Variants in ITGA7 observed in about 807,000 individuals in gnomAD.
The protein encoded by ITGA7 is integrin alpha-7.
In ITGA7, 84 loss-of-function variants were observed where a neutral mutation model predicts 131.6. The observed-to-expected ratio is 0.64, with a 90% CI of 0.54 to 0.77. The LOEUF (loss-of-function observed/expected upper bound fraction) is 0.77, where lower values mean the gene tolerates loss of function less well. Among genes scored for constraint, ITGA7 ranks in the 30% least tolerant of loss-of-function variants. The pLI, the probability that ITGA7 is intolerant of heterozygous loss-of-function variation, is 0.00. For missense variants in ITGA7, 1,399 were observed against 1,482.9 expected, an observed-to-expected ratio of 0.94 and a Z score of 0.93; for synonymous variants, 548 against 600.7, an observed-to-expected ratio of 0.91 and a Z score of 1.28.
At chr12:55,687,875 T>C in intron 24 of ITGA7, 96 bp downstream of exon 24, 7 of 1,525,064 alleles carry the variant, frequency 4.6e-6, no homozygotes, top group Non-Finnish European at 6.4e-6. Context: ...ATTTGCTGAA[T>C]ACATGAGTGT....
chr12:55,689,641 T>A (rs1871000071), intron 21 of ITGA7, among the ~76,000 whole-genome samples: 1 of 152,224 alleles, frequency 6.6e-6, no homozygotes, highest in Admixed American at 6.5e-5. Flanking sequence ...TTTAAGAGTG[T>A]CTGAATTATT....
chr12:55,688,295 G>A lies in ITGA7; in HGVS notation c.2964C>T (p.Tyr988=). The A allele has an allele frequency of 6.2e-7, 1 of 1,612,352 alleles. No homozygotes were observed. Among genetic ancestry groups the A allele is most frequent in the Non-Finnish European group, 8.5e-7 (1 of 1,178,460 alleles). Residue 988 remains tyrosine (Y), a synonymous_variant, in exon 23 of 25, where the codon TAC becomes TAT. Transcript: ENST00000257879. ...TCACTTCCAGGGACTTCACAGCTGA[G>A]TACTCCTAAGGGAACAGGGAAGGAG... ...RLWNSTFLEE[Y]SAVKSLEVIV... is the part of the protein sequence containing the mutation.
chr12:55,694,587 A>G lies in ITGA7; in HGVS notation c.2277+28T>C, dbSNP rs1306903015. On this transcript the variant is annotated intron_variant, in intron 16 of 24. Coordinates refer to ENST00000257879, the MANE Select transcript of ITGA7 (RefSeq NM_002206.3). The surrounding 1 kb of genome is among the most constrained non-coding windows in gnomAD (Gnocchi z 5.3). ...CTACGGGCTTATGGAGAGGCTACTCACGTAGGGATAAGGGCAGATGTGCCA... is the reference window on the plus strand; with the variant it reads ...CTACGGGCTTATGGAGAGGCTACTCGCGTAGGGATAAGGGCAGATGTGCCA... 2 of 1,613,088 alleles carry G rather than the reference A, an allele frequency of 1.2e-6. No homozygotes were observed. Among genetic ancestry groups the G allele is most frequent in the East Asian group, 4.5e-5 (2 of 44,872 alleles).
chr12:55,701,111 A>G lies in ITGA7; in HGVS notation c.458T>C (p.Ile153Thr). The change falls in exon 4 of 25, where the codon ATC (isoleucine) becomes ACC (threonine). Residue 153 changes from isoleucine (I) to threonine (T), a missense_variant. Coordinates refer to ENST00000257879, the MANE Select transcript of ITGA7 (RefSeq NM_002206.3). ...ACCAATCATATCCCGCGTCTCCAGG[A>G]TCTGGTCCACTCGCTGCCTTGCCTC... The part of the protein sequence containing the change: ...RYEARQRVDQ[I>T]LETRDMIGRC... The G allele has an allele frequency of 1.2e-6, 2 of 1,614,206 alleles. No homozygotes were observed. Among genetic ancestry groups the G allele is most frequent in the Non-Finnish European group, 1.7e-6 (2 of 1,180,040 alleles).
At position 55,686,520 on chromosome 12, in the gene ITGA7, T is replaced by G. The variant is rs146198750; in HGVS notation, c.3184-1232A>C. Among the ~76,000 whole-genome samples, 112 of 152,288 alleles carry G rather than the reference T, an allele frequency of 7.4e-4. 1 individual carries two copies. The highest frequency in any genetic ancestry group is 2.6e-3 in the African/African-American group (107 of 41,566). On this transcript the variant is annotated intron_variant, in intron 24 of 24. Coordinates refer to ENST00000257879, the MANE Select transcript of ITGA7 (RefSeq NM_002206.3). ...GCCACTCCAGAGCCTGGTCTACTGA[T>G]GATTCACACTTGCCAAAGGGTGGCT...
chr12:55,685,160 C>T lies in ITGA7; in HGVS notation c.3312G>A (p.Trp1104Ter). ...EKTGTILRNNWGSPRREGPDA... is the reference protein window; with the variant it reads ...EKTGTILRNN ...CCGGGCCCTCCCGCCGGGGGCTGCCCCAGTTGTTCCTCAGGATGGTGCCCG... is the reference window on the plus strand; with the variant it reads ...CCGGGCCCTCCCGCCGGGGGCTGCCTCAGTTGTTCCTCAGGATGGTGCCCG... Residue 1104 changes from tryptophan to a stop codon, truncating the protein, a stop_gained, in exon 25 of 25, where the codon TGG (tryptophan) becomes TGA (stop). Transcript: ENST00000257879. LOFTEE classifies it high-confidence loss of function. 2.5e-6 allele frequency: 4 copies of T among 1,614,102 alleles called. No individual in the cohort carries two copies. Among genetic ancestry groups the T allele is most frequent in the Non-Finnish European group, 3.4e-6 (4 of 1,180,020 alleles).
chr12:55,715,650 T>C (rs574424058), upstream of ITGA7, among the ~76,000 whole-genome samples: 1 of 151,952 alleles, frequency 6.6e-6, no homozygotes, highest in South Asian at 2.1e-4. Flanking sequence ...TTCAGTGGGG[T>C]AGTGAGAAGA....
chr12:55,716,071 G>A (rs1876493136), upstream of ITGA7: 2 of 1,569,286 alleles, frequency 1.3e-6, no homozygotes, highest in Non-Finnish European at 1.7e-6. Context: ...GGGAGCCGAG[G>A]TGAGCGTTCC....
chr12:55,703,447 C>T (rs1257371396), intron 1 of ITGA7, among the ~76,000 whole-genome samples: 2 of 140,042 alleles, frequency 1.4e-5, no homozygotes, highest in East Asian at 2.2e-4. Flanking sequence ...CACACATACA[C>T]GCCAACCCAA....
chr12:55,691,981 C>G (rs1028009626), intron 21 of ITGA7, among the ~76,000 whole-genome samples: 4 of 152,144 alleles, frequency 2.6e-5, no homozygotes, highest in Non-Finnish European at 5.9e-5. Flanking sequence ...AGAGCATGTG[C>G]GGATCTGCTC....
upstream of ITGA7, chr12:55,712,489 T>G (rs1373913970): frequency 1.0e-5 from 6 of 576,728 alleles, no homozygotes; most frequent in Non-Finnish European, 1.9e-5. Context: ...GTTTGGAGCT[T>G]GCTAATTAAA....
chr12:55,703,494 C>T (rs1874539693), intron 1 of ITGA7, among the ~76,000 whole-genome samples: 1 of 152,092 alleles, frequency 6.6e-6, no homozygotes, highest in South Asian at 2.1e-4. Flanking sequence ...AAAGAACTGC[C>T]TGTTCCCAGC....
chr12:55,702,326 G>A lies in ITGA7; in HGVS notation c.414+546C>T, dbSNP rs183941459. Among the ~76,000 whole-genome samples, 166 of 152,270 alleles carry A rather than the reference G, an allele frequency of 1.1e-3. 3 individuals carry two copies. The highest frequency in any genetic ancestry group is 7.9e-3 in the East Asian group (41 of 5,180). On this transcript the variant is annotated intron_variant, in intron 3 of 24. Coordinates refer to ENST00000257879, the MANE Select transcript of ITGA7 (RefSeq NM_002206.3). ...TCTCTGAGTAGCTGGGACTACAGGC[G>A]CCCGCCACCACGCCCGGCTAATTTT...
chr12:55,709,336 T>G (rs967510119), upstream of ITGA7, among the ~76,000 whole-genome samples: 2 of 152,172 alleles, frequency 1.3e-5, no homozygotes, highest in Non-Finnish European at 2.9e-5. Context: ...ACTTCATTGT[T>G]CAGGATTATA....
At chr12:55,708,034 A>T, upstream of ITGA7, 1 of 1,158,870 alleles carries the variant, frequency 8.6e-7, no homozygotes, top group Non-Finnish European at 1.1e-6. Flanking sequence ...TGGGATGGAA[A>T]CTAGCCTTGC....
rs1013408093 is a variant in ITGA7, at chr12:55,697,550, G to T, written c.1410-4C>A. The stretch of plus-strand genomic sequence containing the variant: ...GACATGGAGGATGGGTCTGGCCCTG[G>T]GATTGGGGAGTCAAGAGCACAAGAA... On this transcript the variant is annotated splice_polypyrimidine_tract_variant and splice_region_variant and intron_variant, in intron 9 of 24. Transcript: ENST00000257879. The T allele has an allele frequency of 3.1e-6, 5 of 1,612,162 alleles. No individual in the cohort carries two copies. Among genetic ancestry groups the T allele is most frequent in the Non-Finnish European group, 3.4e-6 (4 of 1,178,642 alleles).
chr12:55,707,920 C>A, upstream of ITGA7: 1 of 1,394,688 alleles, frequency 7.2e-7, no homozygotes, highest in Non-Finnish European at 9.3e-7. Context: ...CTCCCGCCTC[C>A]TCTCCCGGGG....
In ITGA7 at chr12:55,685,195, CCTT is replaced by C; in HGVS notation, c.3274_3276del (p.Lys1092del). 1 of 1,614,202 alleles carries C rather than the reference CCTT, an allele frequency of 6.2e-7. No homozygotes were observed. Among genetic ancestry groups the C allele is most frequent in the Non-Finnish European group, 8.5e-7 (1 of 1,180,020 alleles). On this transcript the variant is annotated inframe_deletion, in exon 25 of 25. Coordinates refer to ENST00000257879, the MANE Select transcript of ITGA7 (RefSeq NM_002206.3). ...CTCAGGATGGTGCCCGTCTTCTCCT[CCTT>C]GAACTGCTGTCGGTCTTCCCGAGGA...
chr12:55,706,627 C>T (rs569462170), intron 1 of ITGA7, among the ~76,000 whole-genome samples: 3,318 of 152,286 alleles, frequency 0.022, 115 homozygotes, highest in African/African-American at 0.076. Flanking sequence ...TGACCAGTCA[C>T]AGGCCCCTCA....
Sources: gnomAD v4.1 joint callset for allele counts (sites outside exome capture counted in the v4.1 genomes callset) on GRCh38, gnomAD v4.1.1 for gene constraint, Gnocchi (gnomAD v3.1) non-coding constraint, MANE v1.5 for transcripts, NCBI Gene and HGNC (gene_info 2026-07-23, HGNC 2026-07-21) for gene names.